The following PRPSAP1 variants were observed in gnomAD, a reference collection of about 807,000 sequenced individuals.
PRPSAP1 encodes the protein phosphoribosyl pyrophosphate synthetase associated protein 1.
In PRPSAP1, 31 loss-of-function variants were observed where a neutral mutation model predicts 39.4. That is an observed-to-expected ratio of 0.79 (90% CI 0.59 to 1.06). The LOEUF is 1.06. Ranked by LOEUF, PRPSAP1 falls within the 50% of genes least tolerant of loss-of-function variation. The pLI is 0.00. For missense variants in PRPSAP1, 430 were observed against 511.6 expected (o/e 0.84, Z 1.54); for synonymous variants, 212 against 192.6 (o/e 1.10, Z -0.83).
chr17:76,326,554 C>T (rs2071258095), intron 7 of PRPSAP1, among the ~76,000 whole-genome samples: 1 of 152,164 alleles, frequency 6.6e-6, no homozygotes, highest in Non-Finnish European at 1.5e-5. Context: ...AGGACACAAA[C>T]AAGCCCCAAT....
rs1260138992 is a variant in PRPSAP1, at chr17:76,330,560, G to C, written c.570C>G (p.Ile190Met). ...GCTGGTGGTTCCTCACTTCTTCCTG[G>C]ATATACTGAAGCAGGAAAGGTGAGG... ...LRASPFLLQY[I>M]QEEIPNYRNA... Residue 190 changes from isoleucine to methionine, a missense_variant, in exon 5 of 10, where the codon ATC becomes ATG. Physicochemically the swap from Ile to Met is conservative, Grantham distance 10. This residue lies in a region of PRPSAP1 where 278 missense variants were observed against 376.3 expected (regional missense o/e 0.74). Coordinates refer to ENST00000446526, the MANE Select transcript of PRPSAP1 (RefSeq NM_002766.3). The C allele has an allele frequency of 6.3e-7, 1 of 1,599,342 alleles. No individual in the cohort carries two copies. Among genetic ancestry groups the C allele is most frequent in the Non-Finnish European group, 8.6e-7 (1 of 1,168,320 alleles).
At chr17:76,320,404 T>G (rs545285028) in intron 7 of PRPSAP1, among the ~76,000 whole-genome samples, 3 of 149,684 alleles carry the variant, frequency 2.0e-5, no homozygotes, top group Non-Finnish European at 4.4e-5. Context: ...CTTTGCTTTA[T>G]GTTGCTTTGC....
rs900601601 is a variant in PRPSAP1, at chr17:76,332,556, A to G, written c.291-121T>C. On this transcript the variant is annotated intron_variant, in intron 3 of 9. Transcript: ENST00000446526. ...GGTGTTGTGGGAATTTTACCATCAC[A>G]CTAGCTTACAATGGCACCTCATGAA... The G allele has an allele frequency of 8.8e-6, 10 of 1,138,910 alleles. No individual in the cohort carries two copies. The African/African-American group carries it at 1.4e-4, about 16-fold the overall frequency. The allele number at this position is 1,138,910 out of a possible 1,614,324, so 70.6% of individuals were successfully genotyped here. A position where few individuals can be genotyped will look rare whatever the true frequency, so the allele number is the denominator to read the frequency against.
chr17:76,342,417 A>C (rs527817383), intron 3 of PRPSAP1, among the ~76,000 whole-genome samples: 63 of 152,214 alleles, frequency 4.1e-4, no homozygotes, highest in African/African-American at 1.4e-3. Flanking sequence ...AATGTGTCAA[A>C]GTTTTCAAAG....
intron 7 of PRPSAP1, among the ~76,000 whole-genome samples, chr17:76,322,029 G>GT (rs1330433118): frequency 2.0e-5 from 3 of 152,206 alleles, no homozygotes; most frequent in Non-Finnish European, 2.9e-5. Flanking sequence ...AGGTGAAGCA[G>GT]TAAGTGCTCA....
chr17:76,312,437 CA>C (rs10709096), intron 9 of PRPSAP1, among the ~76,000 whole-genome samples: 48,510 of 132,672 alleles, frequency 0.37, 10,333 homozygotes, highest in African/African-American at 0.63. Flanking sequence ...GATTCCATCT[CA>C]AAAAAAAAAA....
intron 3 of PRPSAP1, 118 bp downstream of exon 3, chr17:76,344,553 C>A (rs2071475285): frequency 2.1e-6 from 2 of 930,436 alleles, no homozygotes; most frequent in Non-Finnish European, 3.2e-6. Flanking sequence ...GCGTGAGCCA[C>A]ACGCCCGGCC....
At position 76,328,806 on chromosome 17, in the gene PRPSAP1, G is replaced by A; in HGVS notation, c.692C>T (p.Ala231Val). The change falls in exon 7 of 10, where the codon GCT becomes GTT. Residue 231 changes from alanine to valine, a missense_variant. By Grantham distance (64) the Ala-to-Val change is moderately conservative. This residue lies in a region of PRPSAP1 where 278 missense variants were observed against 376.3 expected (regional missense o/e 0.74). Transcript: ENST00000446526. ...GTCCATGTCCAGTTCCGTGCACTGA[G>A]CTTCCCCGTGAATGACGGCCAAACC... is the stretch of plus-strand genomic sequence containing the variant. ...RLGLAVIHGE[A>V]QCTELDMDDG... 1 of 1,614,166 alleles carries A rather than the reference G, an allele frequency of 6.2e-7. No homozygotes were observed. Among genetic ancestry groups the A allele is most frequent in the Non-Finnish European group, 8.5e-7 (1 of 1,180,018 alleles).
intron 6 of PRPSAP1, among the ~76,000 whole-genome samples, chr17:76,329,139 G>A (rs1242125348): frequency 6.7e-6 from 1 of 148,918 alleles, no homozygotes; most frequent in Non-Finnish European, 1.5e-5. Context: ...GCGTCAACAT[G>A]GCTCACTGCA....
chr17:76,316,174 T>TAA (rs1377721818), intron 7 of PRPSAP1, among the ~76,000 whole-genome samples: 24 of 73,458 alleles, frequency 3.3e-4, no homozygotes, highest in African/African-American at 5.3e-4. Flanking sequence ...AGACTCCGTC[T>TAA]AAAAAAAAAA....
Position 76,340,896 on chromosome 17 carries a change from C to T in PRPSAP1, c.290+3775G>A, listed in dbSNP as rs566780622. Among the ~76,000 whole-genome samples, 50 of 146,884 alleles carry T rather than the reference C, an allele frequency of 3.4e-4. 1 individual carries two copies. The South Asian group carries it at 8.3e-3, about 24-fold the overall frequency. ...CAGCCTGGGCAACAAGAACGAAACT[C>T]CATCTCAAAAAAAAAAAAAAGCGGG... On this transcript the variant is annotated intron_variant, in intron 3 of 9. Coordinates refer to ENST00000446526, the MANE Select transcript of PRPSAP1 (RefSeq NM_002766.3).
chr17:76,339,161 T>C (rs548138504), intron 3 of PRPSAP1, among the ~76,000 whole-genome samples: 1 of 152,198 alleles, frequency 6.6e-6, no homozygotes, highest in Non-Finnish European at 1.5e-5. Context: ...TCTCAGCACT[T>C]TGGGAGGCCA....
intron 3 of PRPSAP1, 38 bp downstream of exon 3, chr17:76,344,632 GT>G: frequency 7.1e-7 from 1 of 1,401,174 alleles, no homozygotes. Context: ...TATTGTTAAG[GT>G]TTTTACAGAA....
At chr17:76,338,301 G>C (rs2071400097) in intron 3 of PRPSAP1, among the ~76,000 whole-genome samples, 1 of 152,114 alleles carries the variant, frequency 6.6e-6, no homozygotes, top group African/African-American at 2.4e-5. Flanking sequence ...TCTAAGCTTT[G>C]GTCTGTTTGC....
chr17:76,318,133 C>A (rs922523260), intron 7 of PRPSAP1, among the ~76,000 whole-genome samples: 3 of 152,216 alleles, frequency 2.0e-5, no homozygotes, highest in African/African-American at 4.8e-5. Context: ...AAAACTCACC[C>A]ATGGGCAAGA....
intron 5 of PRPSAP1, 135 bp downstream of exon 5, chr17:76,330,416 T>C: frequency 2.9e-6 from 2 of 682,406 alleles, no homozygotes; most frequent in Non-Finnish European, 4.9e-6. Context: ...AAGCTGACCC[T>C]GTCTGCTGCC....
At chr17:76,340,464 T>C (rs11077813) in intron 3 of PRPSAP1, among the ~76,000 whole-genome samples, 31,261 of 151,394 alleles carry the variant, frequency 0.21, 4,284 homozygotes, top group East Asian at 0.57. Flanking sequence ...TCACTCTAGA[T>C]TGCACGTGTT....
chr17:76,334,128 A>G (rs1204404509), intron 3 of PRPSAP1, among the ~76,000 whole-genome samples: 3 of 152,016 alleles, frequency 2.0e-5, no homozygotes, highest in Non-Finnish European at 4.4e-5. Flanking sequence ...TTCTCACATT[A>G]GCTTCCTCCT....
intron 7 of PRPSAP1, among the ~76,000 whole-genome samples, chr17:76,323,600 G>A (rs1179858334): frequency 6.6e-6 from 1 of 152,132 alleles, no homozygotes; most frequent in Non-Finnish European, 1.5e-5. Flanking sequence ...GGTGGAAAGA[G>A]CAAAAGAACT....
Sources: gnomAD v4.1 joint callset for allele counts (sites outside exome capture counted in the v4.1 genomes callset) on GRCh38, gnomAD v4.1.1 for gene constraint, gnomAD v4.1.1 regional missense constraint, MANE v1.5 for transcripts, NCBI Gene and HGNC (gene_info 2026-07-23, HGNC 2026-07-21) for gene names.